The following GRM1 variants were observed in gnomAD, a reference collection of about 807,000 sequenced individuals.
GRM1 encodes the protein glutamate metabotropic receptor 1, also known as metabotropic glutamate receptor 1.
In GRM1, 33 loss-of-function variants were observed where a neutral mutation model predicts 90.9. That is an observed-to-expected ratio of 0.36 (90% CI 0.28 to 0.49). The LOEUF (loss-of-function observed/expected upper bound fraction) is 0.49. Ranked by LOEUF, GRM1 falls within the 20% of genes least tolerant of loss-of-function variation. The pLI is 0.99. For missense variants in GRM1, 1,190 were observed against 1,534.3 expected (o/e 0.78, Z 3.75); for synonymous variants, 700 against 613.2 (o/e 1.14, Z -2.09).
chr6:146,397,614 G>A (rs1264704429), intron 6 of GRM1, among the ~76,000 whole-genome samples: 2 of 151,916 alleles, frequency 1.3e-5, no homozygotes, highest in Admixed American at 6.6e-5. Flanking sequence ...TTTAGAAAGT[G>A]TGGAGTTTAG....
chr6:146,139,848 T>C (rs1451513971), intron 1 of GRM1, among the ~76,000 whole-genome samples: 1 of 151,740 alleles, frequency 6.6e-6, no homozygotes, highest in Admixed American at 6.5e-5. Flanking sequence ...CCTGCCATTT[T>C]GTTATTTGTT....
At chr6:146,203,464 C>G (rs1261605330) in intron 2 of GRM1, among the ~76,000 whole-genome samples, 2 of 152,100 alleles carry the variant, frequency 1.3e-5, no homozygotes, top group Non-Finnish European at 2.9e-5. Context: ...AGGCACATCT[C>G]TTTCTCTTAG....
intron 5 of GRM1, among the ~76,000 whole-genome samples, chr6:146,386,568 G>A (rs753093073): frequency 6.6e-6 from 1 of 151,880 alleles, no homozygotes. Context: ...TTTTTTGAGA[G>A]TAATAAATAT....
intron 7 of GRM1, among the ~76,000 whole-genome samples, chr6:146,432,851 ATCT>A (rs751304766): frequency 5.9e-5 from 9 of 152,178 alleles, no homozygotes; most frequent in African/African-American, 1.9e-4. Context: ...GCCACAGTAC[ATCT>A]TCTTATTTTC....
In GRM1 at chr6:146,290,116, G is replaced by C. The variant is rs373627010; in HGVS notation, c.951-14495G>C. On this transcript the variant is annotated intron_variant, in intron 2 of 7. Coordinates refer to ENST00000282753, the MANE Select transcript of GRM1 (RefSeq NM_001278064.2). ...AACATGATCTGTAGGGAAAGCCAAG[G>C]GTGTGGCTGGACAACCTTTTGTTAC... 3.2e-4 allele frequency among the ~76,000 whole-genome samples: 48 copies of C among 151,674 alleles called. 1 individual carries two copies. The South Asian group carries it at 9.4e-3, about 30-fold the overall frequency.
chr6:146,273,559 C>G (rs1378479273), intron 2 of GRM1, among the ~76,000 whole-genome samples: 1 of 152,160 alleles, frequency 6.6e-6, no homozygotes, highest in African/African-American at 2.4e-5. Flanking sequence ...CAGAAACACC[C>G]ACAGAGTTGA....
At chr6:146,276,230 G>A (rs1246605533) in intron 2 of GRM1, among the ~76,000 whole-genome samples, 1 of 151,996 alleles carries the variant, frequency 6.6e-6, no homozygotes, top group African/African-American at 2.4e-5. Flanking sequence ...TATTAGAATA[G>A]GCATAAAAAT....
rs561140300 is a variant in GRM1 at position 146,266,187 on chromosome 6, TA to T, written c.951-38414del. On this transcript the variant is annotated intron_variant, in intron 2 of 7. Transcript: ENST00000282753. ...CTGGTGACAGAACAAGACTCTGTCT[TA>T]AAAAAAAAATACATATTAGAGAGTT... Among the ~76,000 whole-genome samples the T allele has an allele frequency of 3.8e-4, 57 of 149,138 alleles. No homozygotes were observed. The South Asian group carries it at 3.8e-3, about 10-fold the overall frequency.
chr6:146,029,698 A>G lies in GRM1; in HGVS notation c.181A>G (p.Lys61Glu), dbSNP rs942425135. The change falls in exon 1 of 8, where the codon AAA becomes GAA. Residue 61 changes from lysine to glutamate, a missense_variant. Physicochemically the swap from Lys to Glu is moderately conservative, Grantham distance 56. Around this residue, in one of 10 missense-constraint regions of GRM1, gnomAD observed 25 missense variants for 65.9 expected, o/e 0.38. Coordinates refer to ENST00000282753, the MANE Select transcript of GRM1 (RefSeq NM_001278064.2). ...AGTCCATCACCAGCCTCCGGCCGAG[A>G]AAGTGCCCGAGAGGAAGTGTGGGGA... The part of the protein sequence containing the change: ...FSVHHQPPAE[K>E]VPERKCGEIR... The G allele has an allele frequency of 6.2e-7, 1 of 1,613,976 alleles. No individual in the cohort carries two copies. Among genetic ancestry groups the G allele is most frequent in the African/African-American group, 1.3e-5 (1 of 74,894 alleles).
intron 5 of GRM1, among the ~76,000 whole-genome samples, chr6:146,386,343 A>G (rs1453472688): frequency 6.6e-6 from 1 of 152,106 alleles, no homozygotes; most frequent in Non-Finnish European, 1.5e-5. Context: ...AGAGAAAGTC[A>G]GGCAGGGCAA....
chr6:146,364,773 T>C (rs796336745), intron 5 of GRM1, among the ~76,000 whole-genome samples: 17 of 137,276 alleles, frequency 1.2e-4, no homozygotes, highest in African/African-American at 5.3e-4. Context: ...TCCCTCTTCT[T>C]CTATTTTTTT....
intron 2 of GRM1, among the ~76,000 whole-genome samples, chr6:146,209,475 T>G (rs779844792): frequency 6.6e-6 from 1 of 152,176 alleles, no homozygotes; most frequent in African/African-American, 2.4e-5. Context: ...CAAGAAGTAA[T>G]GAACCATCAC....
chr6:146,418,681 T>TA (rs1391896752), intron 7 of GRM1, among the ~76,000 whole-genome samples: 1 of 152,026 alleles, frequency 6.6e-6, no homozygotes, highest in Admixed American at 6.5e-5. Flanking sequence ...AGCAAAGTAA[T>TA]AGAGAAGCTC....
chr6:146,320,735 G>T (rs975475011), intron 3 of GRM1, among the ~76,000 whole-genome samples: 3 of 152,082 alleles, frequency 2.0e-5, no homozygotes, highest in Non-Finnish European at 4.4e-5. Context: ...ATTTCTTCTA[G>T]ATTTTCTAGT....
intron 6 of GRM1, 81 bp from the exon 7 acceptor site, chr6:146,398,686 CTG>C (rs1190561569): frequency 2.2e-6 from 2 of 914,268 alleles, no homozygotes; most frequent in Admixed American, 1.7e-5. Context: ...GCAAAGATGA[CTG>C]TGTCTCTGGT....
chr6:146,171,393 T>C (rs1778118810), intron 2 of GRM1: 1 of 156,322 alleles, frequency 6.4e-6, no homozygotes, highest in African/African-American at 2.4e-5. Flanking sequence ...CTCACTGAAA[T>C]GGCCATGTCC....
intron 3 of GRM1, among the ~76,000 whole-genome samples, chr6:146,309,224 C>A (rs567320663): frequency 1.3e-5 from 2 of 152,058 alleles, no homozygotes; most frequent in Middle Eastern, 6.8e-3. Context: ...CATGGTGAAG[C>A]CCCATCTCTA....
intron 1 of GRM1, among the ~76,000 whole-genome samples, chr6:146,058,671 G>A (rs1213852910): frequency 2.0e-5 from 3 of 152,056 alleles, no homozygotes; most frequent in Non-Finnish European, 4.4e-5. Flanking sequence ...ATACCATGCT[G>A]TTTGATAGCA....
At chr6:146,268,424 A>G (rs552091311) in intron 2 of GRM1, among the ~76,000 whole-genome samples, 3 of 152,254 alleles carry the variant, frequency 2.0e-5, no homozygotes, top group South Asian at 4.2e-4. Flanking sequence ...TGCTCTATCT[A>G]TACTGACTAC....
Sources: allele counts gnomAD v4.1 joint callset (sites outside exome capture counted in the v4.1 genomes callset), GRCh38; gene constraint gnomAD v4.1.1; regional missense constraint gnomAD v4.1.1; transcripts MANE v1.5; gene names NCBI Gene and HGNC (gene_info 2026-07-23, HGNC 2026-07-21).